The following ARHGAP29 variants were observed in gnomAD, a reference collection of about 807,000 sequenced individuals.
ARHGAP29 encodes the protein rho GTPase-activating protein 29.
ARHGAP29 carries 43 observed loss-of-function variants against 122.6 expected under a neutral mutation model. The ratio of observed to expected loss-of-function variants is 0.35; its 90% confidence interval spans 0.27 to 0.45. The LOEUF (loss-of-function observed/expected upper bound fraction) is 0.45. Ranked by LOEUF, ARHGAP29 falls within the 20% of genes least tolerant of loss-of-function variation. ARHGAP29 has a pLI of 1.00. For synonymous variants in ARHGAP29, 506 were observed against 497.1 expected, an observed-to-expected ratio of 1.02 and a Z score of -0.24; for missense variants, 1,303 against 1,477.2, an observed-to-expected ratio of 0.88 and a Z score of 1.93.
At chr1:94,207,113 A>AT (rs143522729) in intron 5 of ARHGAP29, among the ~76,000 whole-genome samples, 143,095 of 151,418 alleles carry the variant, frequency 0.95, 68,189 homozygotes, top group East Asian at 1. Context: ...GGTTCAAGTG[A>AT]TTCTCGTGCC....
rs35331871 is a variant in ARHGAP29 at position 94,186,545 on chromosome 1, A to G, written c.1734T>C (p.Ser578=). 29 of 1,613,744 alleles carry G rather than the reference A, an allele frequency of 1.8e-5. No individual in the cohort carries two copies. The highest frequency in any genetic ancestry group is 2.7e-5 in the African/African-American group (2 of 74,922). The change falls in exon 16 of 23, where the codon TCT becomes TCC. Residue 578 remains serine, a synonymous_variant. Transcript: ENST00000260526. ...PRTPSSGTMS[S]ADDLDEREPP... Reference sequence around the variant, plus strand: ...GCTCTCTTTCATCTAGATCATCTGCAGAGGACATAGTTCCACTGGATGGTG... The same window carrying G: ...GCTCTCTTTCATCTAGATCATCTGCGGAGGACATAGTTCCACTGGATGGTG...
intron 1 of ARHGAP29, among the ~76,000 whole-genome samples, chr1:94,257,869 T>C: frequency 6.6e-6 from 1 of 152,196 alleles, no homozygotes; most frequent in East Asian, 1.9e-4. Context: ...CTGTGCCCTA[T>C]TGGAAATCTT....
At chr1:94,231,042 G>A (rs923459592) in intron 2 of ARHGAP29, among the ~76,000 whole-genome samples, 1 of 151,824 alleles carries the variant, frequency 6.6e-6, no homozygotes, top group Non-Finnish European at 1.5e-5. Context: ...TGTCAACAAT[G>A]TAAATTATAA....
intron 19 of ARHGAP29, among the ~76,000 whole-genome samples, chr1:94,182,883 AGAG>A (rs1557841867): frequency 3.3e-5 from 5 of 152,326 alleles, no homozygotes; most frequent in African/African-American, 1.2e-4. Context: ...TCCTCATAAA[AGAG>A]GAGAAGGTGG....
chr1:94,266,225 G>A (rs1162593684), intron 1 of ARHGAP29, among the ~76,000 whole-genome samples: 2 of 152,172 alleles, frequency 1.3e-5, no homozygotes, highest in East Asian at 3.9e-4. Context: ...CAGTGAGTCA[G>A]CCAGGCTCAA....
chr1:94,265,805 A>T (rs1198768056), intron 1 of ARHGAP29, among the ~76,000 whole-genome samples: 1 of 152,138 alleles, frequency 6.6e-6, no homozygotes, highest in African/African-American at 2.4e-5. Flanking sequence ...TGGTCACCTT[A>T]GTAGGTTCTA....
chr1:94,183,698 T>C (rs1040832378), intron 19 of ARHGAP29, among the ~76,000 whole-genome samples: 1 of 152,228 alleles, frequency 6.6e-6, no homozygotes, highest in African/African-American at 2.4e-5. Context: ...AGACACTGTT[T>C]TACTTACTTC....
intron 12 of ARHGAP29, chr1:94,194,577 CTT>C (rs71094283): frequency 0.24 from 36,021 of 151,998 alleles, 4,461 homozygotes; most frequent in Non-Finnish European, 0.27. Flanking sequence ...GTAGACTGTT[CTT>C]TTCTCTCTGT....
At chr1:94,278,906 G>C (rs1020686161), upstream of ARHGAP29, among the ~76,000 whole-genome samples, 5 of 152,180 alleles carry the variant, frequency 3.3e-5, no homozygotes, top group Non-Finnish European at 7.3e-5. Flanking sequence ...TATAACTCCT[G>C]TTCCTCCTTT....
chr1:94,227,479 TAATAAAAAAGCTATAAGA>T (rs1652675693), intron 2 of ARHGAP29, among the ~76,000 whole-genome samples: 2 of 151,766 alleles, frequency 1.3e-5, no homozygotes, highest in African/African-American at 2.4e-5. Context: ...TAGTACTATA[TAATAAAAAAGCTATAAGA>T]AATTATTAGA....
rs888217181 is a variant in ARHGAP29 at position 94,184,097 on chromosome 1, C to T, written c.2247+54G>A. ...CAAATGTTATCAGCAAAATACAAAT[C>T]ATATTTTTGCTGTTTTTAATTTAAT... On this transcript the variant is annotated intron_variant, in intron 19 of 22. Coordinates refer to ENST00000260526, the MANE Select transcript of ARHGAP29 (RefSeq NM_004815.4). The T allele has an allele frequency of 1.1e-4, 167 of 1,559,872 alleles. 1 individual carries two copies. Among genetic ancestry groups the T allele is most frequent in the South Asian group, 2.7e-4 (23 of 84,928 alleles).
intron 2 of ARHGAP29, among the ~76,000 whole-genome samples, chr1:94,222,276 C>T (rs564069252): frequency 1.3e-5 from 2 of 152,172 alleles, no homozygotes; most frequent in Non-Finnish European, 2.9e-5. Flanking sequence ...AACTCTCTTA[C>T]ATATGACCTA....
At position 94,188,097 on chromosome 1, in the gene ARHGAP29, T is replaced by G. The variant is rs560772303; in HGVS notation, c.1681+740A>C. On this transcript the variant is annotated intron_variant, in intron 15 of 22. Coordinates refer to ENST00000260526, the MANE Select transcript of ARHGAP29 (RefSeq NM_004815.4). ...GGCCTGAAGCAGTCTTTGGTAGAGG[T>G]GTAAAGACAGAATGTTGGATGTAAG... is the stretch of plus-strand genomic sequence containing the variant. Among the ~76,000 whole-genome samples the G allele has an allele frequency of 6.6e-5, 10 of 152,100 alleles. No homozygotes were observed. The South Asian group carries it at 1.7e-3, about 25-fold the overall frequency.
chr1:94,189,392 C>A, intron 13 of ARHGAP29, 40 bp from the exon 14 acceptor site: 1 of 1,557,474 alleles, frequency 6.4e-7, no homozygotes, highest in East Asian at 2.3e-5. Context: ...ACTCAACACT[C>A]CAAAGAATAA....
At position 94,222,705 on chromosome 1, in the gene ARHGAP29, G is replaced by A. The variant is rs115353987; in HGVS notation, c.206-2313C>T. On this transcript the variant is annotated intron_variant, in intron 2 of 22. Coordinates refer to ENST00000260526, the MANE Select transcript of ARHGAP29 (RefSeq NM_004815.4). ...GGAAATCTATGGAAATCTGAATATAGACACTAGTTAATAATAATGCATCAT... is the reference window on the plus strand; with the variant it reads ...GGAAATCTATGGAAATCTGAATATAAACACTAGTTAATAATAATGCATCAT... 6.1e-3 allele frequency among the ~76,000 whole-genome samples: 925 copies of A among 152,246 alleles called. 5 individuals carry two copies. The highest frequency in any genetic ancestry group is 0.022 in the African/African-American group (895 of 41,540).
chr1:94,215,104 G>GAAAAAA (rs199693229), intron 3 of ARHGAP29, among the ~76,000 whole-genome samples: 3 of 83,650 alleles, frequency 3.6e-5, no homozygotes, highest in Non-Finnish European at 8.3e-5. Context: ...GCATGAAAAG[G>GAAAAAA]AAAAAAAAAA....
At chr1:94,292,306 G>A in the ARHGAP29 span, among the ~76,000 whole-genome samples, 2 of 152,226 alleles carry the variant, frequency 1.3e-5, no homozygotes, top group South Asian at 2.1e-4. Flanking sequence ...GCTCCATCAC[G>A]TCATTTAAGC....
chr1:94,231,500 A>G lies in ARHGAP29; in HGVS notation c.112T>C (p.Ser38Pro). 6.2e-7 allele frequency: 1 copy of G among 1,613,844 alleles called. No homozygotes were observed. Among genetic ancestry groups the G allele is most frequent in the Non-Finnish European group, 8.5e-7 (1 of 1,179,780 alleles). Residue 38 changes from serine to proline, a missense_variant, in exon 2 of 23, where the codon TCT (serine) becomes CCT (proline). Physicochemically the swap from Ser to Pro is moderately conservative, Grantham distance 74 (BLOSUM62 -1). Transcript: ENST00000260526. ...TTGATGTAATCCGGATCAAAAATAG[A>G]GTTGGAACTTAAGGACTTGAGCCCC... ...EMGLKSLSSN[S>P]IFDPDYIKEL...
intron 1 of ARHGAP29, among the ~76,000 whole-genome samples, chr1:94,266,863 G>A (rs1460898290): frequency 6.6e-6 from 1 of 152,156 alleles, no homozygotes; most frequent in Non-Finnish European, 1.5e-5. Flanking sequence ...TCCTAAAGGA[G>A]GCACACCTAT....
Sources: gnomAD v4.1 joint callset for allele counts (sites outside exome capture counted in the v4.1 genomes callset) on GRCh38, gnomAD v4.1.1 for gene constraint, MANE v1.5 for transcripts, NCBI Gene and HGNC (gene_info 2026-07-23, HGNC 2026-07-21) for gene names.